SVEP1: variants seen among roughly 807,000 people sequenced by gnomAD.
SVEP1 encodes sushi, von Willebrand factor type A, EGF and pentraxin domain-containing protein 1.
In SVEP1, 164 loss-of-function variants were observed where a neutral mutation model predicts 367.3. The observed-to-expected ratio is 0.45, with a 90% CI of 0.39 to 0.51. SVEP1 has a LOEUF of 0.51. Among genes scored for constraint, SVEP1 ranks in the 20% least tolerant of loss-of-function variants. SVEP1 has a pLI of 0.00. For missense variants in SVEP1, 4,117 were observed against 4,425.3 expected (o/e 0.93, Z 1.98); for synonymous variants, 1,666 against 1,611.6 (o/e 1.03, Z -0.81).
At chr9:110,400,359 G>A (rs550350112) in intron 40 of SVEP1, among the ~76,000 whole-genome samples, 2 of 148,874 alleles carry the variant, frequency 1.3e-5, no homozygotes, top group African/African-American at 4.9e-5. Flanking sequence ...TTTTATTTGA[G>A]ACTTATTTTG....
At chr9:110,444,511 T>C (rs1828560920) in intron 26 of SVEP1, among the ~76,000 whole-genome samples, 1 of 152,206 alleles carries the variant, frequency 6.6e-6, no homozygotes, top group Non-Finnish European at 1.5e-5. Context: ...TAGTCATATG[T>C]CAGACAAAGT....
intron 40 of SVEP1, among the ~76,000 whole-genome samples, chr9:110,392,471 C>A (rs1827676277): frequency 6.6e-6 from 1 of 151,974 alleles, no homozygotes; most frequent in South Asian, 2.1e-4. Context: ...GGTTGTTCAC[C>A]CATCCAGAGA....
intron 6 of SVEP1, among the ~76,000 whole-genome samples, chr9:110,502,679 A>G (rs1255022133): frequency 3.3e-5 from 5 of 152,148 alleles, no homozygotes; most frequent in Admixed American, 3.3e-4. Flanking sequence ...TTGTCCTTCC[A>G]TTAATAAGGT....
At chr9:110,418,947 A>C (rs1171803536) in intron 36 of SVEP1, among the ~76,000 whole-genome samples, 2 of 79,400 alleles carry the variant, frequency 2.5e-5, no homozygotes, top group Admixed American at 1.4e-4. Flanking sequence ...GCCTGCCCTA[A>C]AAGAGCTCCT....
In SVEP1 at chr9:110,549,888, C is replaced by A; in HGVS notation, c.748G>T (p.Glu250Ter). The change falls in exon 2 of 48, where the codon GAA becomes TAA. Residue 250 changes from glutamate to a stop codon, truncating the protein, a stop_gained. Transcript: ENST00000374469. LOFTEE classifies it high-confidence loss of function. ...CGGCGAGCTAAAGCCTCAAATTCTT[C>A]AAAACTGTGTAGCAGGTAACAGTGC... ...EEHCYLLHSF[E>*]EFEALARRAL... The A allele has an allele frequency of 6.2e-7, 1 of 1,613,898 alleles. No homozygotes were observed. The highest frequency in any genetic ancestry group is 8.5e-7 in the Non-Finnish European group (1 of 1,179,850).
chr9:110,471,294 A>G, intron 16 of SVEP1, 70 bp downstream of exon 16: 2 of 1,253,538 alleles, frequency 1.6e-6, no homozygotes, highest in Non-Finnish European at 1.1e-6. Flanking sequence ...TTATAGTTGT[A>G]AAATGGCTAC....
chr9:110,499,376 T>C (rs769644138), intron 6 of SVEP1, 138 bp from the exon 7 acceptor site: 60 of 738,906 alleles, frequency 8.1e-5, no homozygotes, highest in South Asian at 1.3e-4. Context: ...ATATATGACA[T>C]TGAATGTATA....
intron 5 of SVEP1, among the ~76,000 whole-genome samples, chr9:110,504,346 C>G (rs1252674846): frequency 6.6e-6 from 1 of 152,120 alleles, no homozygotes; most frequent in East Asian, 1.9e-4. Flanking sequence ...AGGCGTGAGC[C>G]ACCGCACCCG....
intron 40 of SVEP1, among the ~76,000 whole-genome samples, chr9:110,389,829 T>A (rs528029952): frequency 7.1e-6 from 1 of 141,336 alleles, no homozygotes; most frequent in African/African-American, 2.5e-5. Flanking sequence ...GCTTCACCTT[T>A]TATTTTAAAC....
Position 110,443,820 on chromosome 9 carries a change from G to T in SVEP1, c.4464-100C>A. ...TTTTTCTTCTTTTTCTTTTTTTGTG[G>T]GTAAAGTACTTTGTGTAAATCCATT... On this transcript the variant is annotated intron_variant, in intron 26 of 47. Coordinates refer to ENST00000374469, the MANE Select transcript of SVEP1 (RefSeq NM_153366.4). 7 of 1,047,904 alleles carry T rather than the reference G, an allele frequency of 6.7e-6. No homozygotes were observed. In the South Asian group the frequency reaches 7.7e-5, roughly 11 times the overall value. The allele number at this position is 1,047,904 out of a possible 1,614,324, so 64.9% of individuals were successfully genotyped here. A position where few individuals can be genotyped will look rare whatever the true frequency, so the allele number is the denominator to read the frequency against.
intron 27 of SVEP1, 73 bp from the exon 28 acceptor site, chr9:110,436,577 A>G: frequency 6.5e-7 from 1 of 1,532,850 alleles, no homozygotes; most frequent in Non-Finnish European, 8.8e-7. Context: ...ATCCAAATTT[A>G]ATGAAAGCAC....
chr9:110,406,868 T>C lies in SVEP1; in HGVS notation c.8732A>G (p.Lys2911Arg). The C allele has an allele frequency of 6.2e-7, 1 of 1,613,966 alleles. No homozygotes were observed. Among genetic ancestry groups the C allele is most frequent in the Non-Finnish European group, 8.5e-7 (1 of 1,179,896 alleles). The change falls in exon 38 of 48, where the codon AAG becomes AGG. Residue 2911 changes from lysine to arginine, a missense_variant. Lys to Arg is a conservative substitution (Grantham distance 26). This residue lies in a region of SVEP1 where 1,765 missense variants were observed against 1,781.1 expected (regional missense o/e 0.99). Coordinates refer to ENST00000374469, the MANE Select transcript of SVEP1 (RefSeq NM_153366.4). The stretch of plus-strand genomic sequence containing the variant: ...CTCGTGACAGTGGAATGTTACTTCC[T>C]TCATGAAGCCATAGTCCAGGCCTTC... ...VTEGLDYGFM[K>R]EVTFHCHEGY... is the part of the protein sequence containing the mutation.
chr9:110,380,067 A>G (rs977963837), intron 43 of SVEP1, among the ~76,000 whole-genome samples: 2 of 152,210 alleles, frequency 1.3e-5, no homozygotes, highest in African/African-American at 4.8e-5. Flanking sequence ...ATGAAATTCA[A>G]GGTTTCATGT....
At chr9:110,493,278 A>T (rs890599212) in intron 8 of SVEP1, among the ~76,000 whole-genome samples, 1 of 149,976 alleles carries the variant, frequency 6.7e-6, no homozygotes, top group African/African-American at 2.5e-5. Context: ...AAGAGAGATA[A>T]TTTTTTTTTT....
intron 3 of SVEP1, among the ~76,000 whole-genome samples, chr9:110,528,156 G>GTGTGTATATATATATATATATA: frequency 1.5e-4 from 5 of 33,948 alleles, no homozygotes; most frequent in East Asian, 5.2e-4. Flanking sequence ...GTGTGTGTGT[G>GTGTGTATATATATATATATATA]TATATATATA....
intron 1 of SVEP1, among the ~76,000 whole-genome samples, chr9:110,570,937 C>A (rs1830554396): frequency 1.3e-5 from 2 of 151,098 alleles, no homozygotes; most frequent in East Asian, 3.9e-4. Flanking sequence ...GACGTCATCT[C>A]CCTGGTTAGA....
chr9:110,481,644 G>A (rs571622880), intron 11 of SVEP1, among the ~76,000 whole-genome samples: 2 of 152,208 alleles, frequency 1.3e-5, no homozygotes, highest in Non-Finnish European at 2.9e-5. Context: ...GTACCTACGT[G>A]TAATTAGAGG....
At chr9:110,542,973 A>AT (rs879839087) in intron 3 of SVEP1, among the ~76,000 whole-genome samples, 2,897 of 147,226 alleles carry the variant, frequency 0.02, 47 homozygotes, top group African/African-American at 0.045. Flanking sequence ...ATTAAAAAAA[A>AT]ATATATATAT....
At position 110,390,313 on chromosome 9, in the gene SVEP1, G is replaced by A. The variant is rs1345558159; in HGVS notation, c.9823-726C>T. On this transcript the variant is annotated intron_variant, in intron 40 of 47. Transcript: ENST00000374469. ...TACTTATATATACTTATATAAGTAT[G>A]TGTATATATACTTATATATACACAT... Among the ~76,000 whole-genome samples, 11 of 10,956 alleles carry A rather than the reference G, an allele frequency of 1.0e-3. 2 individuals carry two copies. Among genetic ancestry groups the A allele is most frequent in the African/African-American group, 4.7e-3 (10 of 2,136 alleles). The allele number at this position is 10,956 out of a possible 152,430, so 7.2% of individuals were successfully genotyped here. A position where few individuals can be genotyped will look rare whatever the true frequency, so the allele number is the denominator to read the frequency against.
Sources: gnomAD v4.1 joint callset for allele counts (sites outside exome capture counted in the v4.1 genomes callset) on GRCh38, gnomAD v4.1.1 for gene constraint, gnomAD v4.1.1 regional missense constraint, MANE v1.5 for transcripts, NCBI Gene and HGNC (gene_info 2026-07-23, HGNC 2026-07-21) for gene names.